The following STAG1 variants were observed in gnomAD, a reference collection of about 807,000 sequenced individuals.
STAG1 encodes the protein STAG1 cohesin complex component.
STAG1 carries 26 observed loss-of-function variants against 170.9 expected under a neutral mutation model. That is an observed-to-expected ratio of 0.15 (90% CI 0.11 to 0.21). The LOEUF (loss-of-function observed/expected upper bound fraction) is 0.21, where lower values mean the gene tolerates loss of function less well. STAG1 is among the 10% of genes least tolerant of loss of function. STAG1 has a pLI of 1.00. For missense variants in STAG1, 964 were observed against 1,509.5 expected (o/e 0.64, Z 5.99); for synonymous variants, 514 against 497.7 (o/e 1.03, Z -0.44).
At chr3:136,574,343 TACACACACAC>T (rs144809759) in intron 4 of STAG1, among the ~76,000 whole-genome samples, 4 of 148,894 alleles carry the variant, frequency 2.7e-5, no homozygotes, top group Non-Finnish European at 4.5e-5. Context: ...TGTGTGTGTA[TACACACACAC>T]ACACACACAC....
At chr3:136,406,710 G>C (rs2087495142) in intron 21 of STAG1, among the ~76,000 whole-genome samples, 1 of 152,078 alleles carries the variant, frequency 6.6e-6, no homozygotes, top group Non-Finnish European at 1.5e-5. Flanking sequence ...ATAGGGGATT[G>C]ATTATCCAAT....
intron 5 of STAG1, among the ~76,000 whole-genome samples, chr3:136,567,595 G>A (rs1937130632): frequency 1.3e-5 from 2 of 152,144 alleles, no homozygotes; most frequent in African/African-American, 2.4e-5. Context: ...AGCATCCCTT[G>A]CTTTCTTGTT....
At chr3:136,699,344 A>T (rs1942981866) in intron 1 of STAG1, among the ~76,000 whole-genome samples, 1 of 152,158 alleles carries the variant, frequency 6.6e-6, no homozygotes, top group African/African-American at 2.4e-5. Flanking sequence ...GTTTATCCAC[A>T]CCATCAAATA....
At chr3:136,441,725 C>T (rs2088637856) in intron 15 of STAG1, among the ~76,000 whole-genome samples, 1 of 152,026 alleles carries the variant, frequency 6.6e-6, no homozygotes, top group African/African-American at 2.4e-5. Flanking sequence ...AAGGATGAAC[C>T]ACACAGGAGG....
chr3:136,648,265 G>T (rs989789887), intron 1 of STAG1, among the ~76,000 whole-genome samples: 12 of 152,146 alleles, frequency 7.9e-5, no homozygotes, highest in Admixed American at 3.3e-4. Context: ...AGTCACCTGG[G>T]TTTGGGGAGT....
chr3:136,512,725 T>C (rs768617440), intron 7 of STAG1, among the ~76,000 whole-genome samples: 31 of 141,024 alleles, frequency 2.2e-4, no homozygotes, highest in African/African-American at 4.2e-4. Context: ...CTAACAACAA[T>C]TGAGGATCTA....
chr3:136,613,341 C>CA (rs1939412576), intron 3 of STAG1, among the ~76,000 whole-genome samples: 1 of 89,738 alleles, frequency 1.1e-5, no homozygotes, highest in African/African-American at 4.0e-5. Context: ...AAAAAGAAAT[C>CA]AGAGTTTCTG....
chr3:136,614,988 C>G (rs1052466801), intron 3 of STAG1, among the ~76,000 whole-genome samples: 3 of 151,518 alleles, frequency 2.0e-5, no homozygotes, highest in African/African-American at 7.3e-5. Context: ...CTATAGTATA[C>G]AAAGATACTT....
chr3:136,662,682 C>T (rs1941618877), intron 1 of STAG1, among the ~76,000 whole-genome samples: 1 of 151,974 alleles, frequency 6.6e-6, no homozygotes, highest in South Asian at 2.1e-4. Flanking sequence ...AGGGCTCAAG[C>T]GAGTCCCCTG....
rs60595961 is a variant in STAG1 at position 136,709,289 on chromosome 3, C to CAA, written c.-84+42904_-84+42905dup. 1.6e-3 allele frequency among the ~76,000 whole-genome samples: 236 copies of CAA among 149,652 alleles called. No homozygotes were observed. In the East Asian group the frequency reaches 0.033, roughly 21 times the overall value. ...TGGGCGACAGAGCGAGACTCTGTCTCAAAAAAAACAAAAAAAGACAGGGTC... is the reference window on the plus strand; with the variant it reads ...TGGGCGACAGAGCGAGACTCTGTCTCAAAAAAAAAACAAAAAAAGACAGGGTC... On this transcript the variant is annotated intron_variant, in intron 1 of 33. Coordinates refer to ENST00000383202, the MANE Select transcript of STAG1 (RefSeq NM_005862.3).
chr3:136,439,113 T>C (rs1394241933), intron 15 of STAG1, among the ~76,000 whole-genome samples: 14 of 149,212 alleles, frequency 9.4e-5, no homozygotes, highest in Non-Finnish European at 2.1e-4. Context: ...TGAGAATCGC[T>C]TGAACCTGGG....
At chr3:136,751,893 CGGGG>C (rs1413499927) in intron 1 of STAG1, among the ~76,000 whole-genome samples, 1 of 150,706 alleles carries the variant, frequency 6.6e-6, no homozygotes, top group Non-Finnish European at 1.5e-5. Context: ...CCCGGGCGGG[CGGGG>C]GCAAAATTTT....
At chr3:136,638,064 C>A (rs990580694) in intron 1 of STAG1, among the ~76,000 whole-genome samples, 4 of 151,734 alleles carry the variant, frequency 2.6e-5, no homozygotes, top group Admixed American at 6.6e-5. Flanking sequence ...CGCCACTATG[C>A]CTGGCTAATT....
rs572791649 is a variant in STAG1 at position 136,561,161 on chromosome 3, C to CA, written c.394+7603dup. ...ATTAGAGATAGCAGCCTTTGTAATA[C>CA]AAAAAAATTTCCCCCACTTGTCCCT... is the stretch of plus-strand genomic sequence containing the variant. On this transcript the variant is annotated intron_variant, in intron 5 of 33. Transcript: ENST00000383202. 7.4e-4 allele frequency among the ~76,000 whole-genome samples: 112 copies of CA among 152,164 alleles called. 1 individual carries two copies. In the South Asian group the frequency reaches 8.9e-3, roughly 12 times the overall value.
At position 136,398,803 on chromosome 3, in the gene STAG1, G is replaced by A. The variant is rs1396111987; in HGVS notation, c.2223C>T (p.Ser741=). ...EQIVVQALQC[S]HYSILWQLVK... is the part of the protein sequence containing the mutation. ...CCAACTGCCAAAGAATCGAATAATG[G>A]GAACACTGCAGTGCTTGCACGACTA... Residue 741 remains serine (S), a synonymous_variant, in exon 22 of 34, where the codon TCC becomes TCT. Transcript: ENST00000383202. 9 of 1,597,418 alleles carry A rather than the reference G, an allele frequency of 5.6e-6. No individual in the cohort carries two copies. The East Asian group carries it at 1.8e-4, about 32-fold the overall frequency.
Position 136,489,275 on chromosome 3 carries a change from A to G in STAG1, c.902+10948T>C, listed in dbSNP as rs1301096967. Among the ~76,000 whole-genome samples, 3 of 152,206 alleles carry G rather than the reference A, an allele frequency of 2.0e-5. No individual in the cohort carries two copies. The East Asian group carries it at 5.8e-4, about 29-fold the overall frequency. On this transcript the variant is annotated intron_variant, in intron 9 of 33. Coordinates refer to ENST00000383202, the MANE Select transcript of STAG1 (RefSeq NM_005862.3). ...TTTGGGGAGAACATAACCCTTTAAT[A>G]TGGTATCTGGACCTAAGTTTTCATT...
intron 1 of STAG1, among the ~76,000 whole-genome samples, chr3:136,696,495 T>G (rs1942895258): frequency 6.6e-6 from 1 of 152,054 alleles, no homozygotes; most frequent in Non-Finnish European, 1.5e-5. Context: ...CCATAGAATG[T>G]ACACCACCAA....
chr3:136,625,984 T>C (rs1940072990), intron 2 of STAG1, among the ~76,000 whole-genome samples: 1 of 150,934 alleles, frequency 6.6e-6, no homozygotes, highest in Admixed American at 6.6e-5. Context: ...ACCCGGGAGA[T>C]GGACGTTGCA....
At chr3:136,737,086 A>C in intron 1 of STAG1, 1 of 999,376 alleles carries the variant, frequency 1.0e-6, no homozygotes, top group South Asian at 1.3e-5. Context: ...CTGAAGTAAG[A>C]GGAACCAGGA....
Sources: gnomAD v4.1 joint callset for allele counts (sites outside exome capture counted in the v4.1 genomes callset) on GRCh38, gnomAD v4.1.1 for gene constraint, MANE v1.5 for transcripts, NCBI Gene and HGNC (gene_info 2026-07-23, HGNC 2026-07-21) for gene names.